ACBD5: variants seen among roughly 807,000 people sequenced by gnomAD.
ACBD5 encodes the protein acyl-CoA binding domain containing 5.
In ACBD5, 40 loss-of-function variants were observed where a neutral mutation model predicts 71.8. The observed-to-expected ratio is 0.56, with a 90% CI of 0.43 to 0.72. The LOEUF is 0.72. ACBD5 is among the 30% of genes least tolerant of loss of function. ACBD5 has a pLI of 0.00. For missense variants in ACBD5, 559 were observed against 644.5 expected (o/e 0.87, Z 1.44); for synonymous variants, 229 against 218.6 (o/e 1.05, Z -0.42).
intron 8 of ACBD5, among the ~76,000 whole-genome samples, chr10:27,213,865 C>A (rs2061361690): frequency 6.6e-6 from 1 of 152,120 alleles, no homozygotes; most frequent in East Asian, 1.9e-4. Flanking sequence ...GATATCAGCA[C>A]TCCCATGTTT....
rs10741130 is a variant in ACBD5, at chr10:27,186,515, T to C, written c.1494-3800A>G. The C allele has an allele frequency of 0.63, 1,015,612 of 1,612,818 alleles. 323,280 individuals are homozygous for C. The highest frequency in any genetic ancestry group is 0.66 in the Non-Finnish European group (773,121 of 1,179,092). On this transcript the variant is annotated intron_variant, in intron 13 of 13. Transcript: ENST00000676511. ...CCAGGAATACTGCTCAGCACCTGAC[T>C]GTATCTGGATTTAGTCTGTAGCACA...
At chr10:27,228,341 C>A (rs980404916) in intron 4 of ACBD5, among the ~76,000 whole-genome samples, 1 of 150,932 alleles carries the variant, frequency 6.6e-6, no homozygotes, top group South Asian at 2.1e-4. Flanking sequence ...TTTGGGAGGC[C>A]GAAGTGGGAA....
At chr10:27,185,309 T>A (rs141646794) in intron 13 of ACBD5, among the ~76,000 whole-genome samples, 1 of 152,032 alleles carries the variant, frequency 6.6e-6, no homozygotes, top group East Asian at 1.9e-4. Context: ...TAGGCCACAC[T>A]CTCTTCCCCT....
chr10:27,234,914 A>G (rs1387366490), intron 3 of ACBD5, among the ~76,000 whole-genome samples, 178 bp downstream of exon 3: 1 of 144,670 alleles, frequency 6.9e-6, no homozygotes, highest in Non-Finnish European at 1.5e-5. Context: ...CCTGGGCAAC[A>G]GAGTGAGACT....
chr10:27,218,632 C>T (rs2061947016), intron 6 of ACBD5, among the ~76,000 whole-genome samples: 1 of 150,864 alleles, frequency 6.6e-6, no homozygotes, highest in Non-Finnish European at 1.5e-5. Context: ...GTCACCCAGG[C>T]TAGAGTGCAA....
intron 9 of ACBD5, among the ~76,000 whole-genome samples, 163 bp from the exon 10 acceptor site, chr10:27,208,608 C>T (rs537149744): frequency 2.9e-4 from 44 of 152,244 alleles, no homozygotes; most frequent in Non-Finnish European, 4.4e-4. Context: ...GAGGCTGAGA[C>T]GGGCGGATCA....
At chr10:27,186,593 T>A in intron 13 of ACBD5, 1 of 1,401,052 alleles carries the variant, frequency 7.1e-7, no homozygotes, top group South Asian at 1.2e-5. Flanking sequence ...TGCATAATTA[T>A]ATACTCCTTA....
intron 12 of ACBD5, among the ~76,000 whole-genome samples, chr10:27,200,496 G>T (rs1405520595): frequency 6.6e-6 from 1 of 151,668 alleles, no homozygotes; most frequent in Non-Finnish European, 1.5e-5. Context: ...CCAGGCTGGA[G>T]TGCAGTGGCA....
At chr10:27,183,075 C>T (rs755786697) in intron 13 of ACBD5, among the ~76,000 whole-genome samples, 27 of 152,142 alleles carry the variant, frequency 1.8e-4, no homozygotes, top group Admixed American at 1.1e-3. Flanking sequence ...CCTAATCTTG[C>T]GAGAGAGATG....
At chr10:27,215,439 G>T in intron 8 of ACBD5, 96 bp downstream of exon 8, 7 of 798,644 alleles carry the variant, frequency 8.8e-6, no homozygotes, top group Admixed American at 2.1e-5. Flanking sequence ...TTTTCAAAAT[G>T]AAAAATAGCA....
rs960538138 is a variant in ACBD5 at position 27,196,389 on chromosome 10, C to G, written c.*1041G>C. ...TTAAATTTCTGTTAGCTGGGCATGC[C>G]TTATTCCTATGGAAGCATTTGGCCC... On this transcript the variant is annotated 3_prime_UTR_variant, in exon 13 of 13. Coordinates refer to ENST00000396271, the MANE Select transcript of ACBD5 (RefSeq NM_145698.5). The G allele has an allele frequency of 1.1e-5, 5 of 454,100 alleles. No individual in the cohort carries two copies. Among genetic ancestry groups the G allele is most frequent in the African/African-American group, 8.0e-5 (4 of 49,948 alleles). 28.1% of individuals were successfully genotyped at this position (454,100 alleles called of 1,614,324 possible). A position where few individuals can be genotyped will look rare whatever the true frequency, so the allele number is the denominator to read the frequency against.
rs1418914949 is a variant in ACBD5 at position 27,217,177 on chromosome 10, C to T, written c.829+803G>A. Among the ~76,000 whole-genome samples the T allele has an allele frequency of 1.6e-4, 24 of 146,244 alleles. No individual in the cohort carries two copies. In the East Asian group the frequency reaches 2.5e-3, roughly 15 times the overall value. ...AAAAAAAAAAAAGATGTTTCTCGGC[C>T]GGGCGCGTTGCCTCACACCTGTAAT... On this transcript the variant is annotated intron_variant, in intron 7 of 12. Transcript: ENST00000396271.
Position 27,231,742 on chromosome 10 carries a change from C to T in ACBD5, c.375+6G>A, listed in dbSNP as rs1267055232. Reference sequence around the variant, plus strand: ...TTTCATTTTAACTGTGAATTATTTTCCCTACCTTTTTCATTTCTTCAACAT... The same window carrying T: ...TTTCATTTTAACTGTGAATTATTTTTCCTACCTTTTTCATTTCTTCAACAT... On this transcript the variant is annotated splice_donor_region_variant and intron_variant, in intron 4 of 12. Coordinates refer to ENST00000396271, the MANE Select transcript of ACBD5 (RefSeq NM_145698.5). The T allele has an allele frequency of 1.2e-6, 2 of 1,613,306 alleles. No homozygotes were observed. The highest frequency in any genetic ancestry group is 4.5e-5 in the East Asian group (2 of 44,806).
At chr10:27,212,436 C>T (rs760946770) in intron 8 of ACBD5, among the ~76,000 whole-genome samples, 4 of 152,002 alleles carry the variant, frequency 2.6e-5, no homozygotes, top group Non-Finnish European at 5.9e-5. Flanking sequence ...CTATCTGGTC[C>T]CTTTCATCAA....
At position 27,218,142 on chromosome 10, in the gene ACBD5, C is replaced by A. The variant is rs778846494; in HGVS notation, c.667G>T (p.Glu223Ter). Reference protein sequence around the residue: ...MKKSADHKNLEVIVTNGYDKD... With the variant: ...MKKSADHKNL ...TCATAGCCATTAGTGACAATGACTT[C>A]CAAATTCTTATGGTCTGCTGACTTC... Residue 223 changes from glutamate to a stop codon, truncating the protein, a stop_gained, in exon 7 of 13, where the codon GAA (glutamate) becomes TAA (stop). Transcript: ENST00000396271. LOFTEE classifies it high-confidence loss of function. The A allele has an allele frequency of 4.3e-6, 7 of 1,613,930 alleles. No individual in the cohort carries two copies. In the African/African-American group the frequency reaches 9.3e-5, roughly 22 times the overall value.
chr10:27,219,950 A>C (rs2062126229), intron 5 of ACBD5, 93 bp from the exon 6 acceptor site: 1 of 1,153,542 alleles, frequency 8.7e-7, no homozygotes, highest in African/African-American at 1.6e-5. Context: ...CAAATAACTA[A>C]TAAAATAATT....
chr10:27,189,431 A>G (rs1019643424), intron 13 of ACBD5, among the ~76,000 whole-genome samples: 2 of 152,220 alleles, frequency 1.3e-5, no homozygotes, highest in Non-Finnish European at 2.9e-5. Flanking sequence ...GCTTGAGGCC[A>G]GGAGTTAGAG....
intron 8 of ACBD5, among the ~76,000 whole-genome samples, chr10:27,213,260 C>T (rs2061294295): frequency 6.6e-6 from 1 of 152,172 alleles, no homozygotes; most frequent in South Asian, 2.1e-4. Flanking sequence ...TGAAAAGGTG[C>T]TCAACATCAC....
chr10:27,228,486 A>G (rs1004420090), intron 4 of ACBD5, among the ~76,000 whole-genome samples: 3 of 151,858 alleles, frequency 2.0e-5, no homozygotes, highest in Admixed American at 2.0e-4. Context: ...CTGAGGCAGG[A>G]GAATGGTGTG....
Sources: gnomAD v4.1 joint callset for allele counts (sites outside exome capture counted in the v4.1 genomes callset) on GRCh38, gnomAD v4.1.1 for gene constraint, MANE v1.5 for transcripts, NCBI Gene and HGNC (gene_info 2026-07-23, HGNC 2026-07-21) for gene names.